The following FMN1 variants were observed in gnomAD, a reference collection of about 807,000 sequenced individuals.
The protein encoded by FMN1 is formin 1, also known as formin-1.
A neutral mutation model predicts 132.4 loss-of-function variants in FMN1; 110 were observed. The observed-to-expected ratio is 0.83, with a 90% CI of 0.71 to 0.97. FMN1 has a LOEUF of 0.97. Ranked by LOEUF, FMN1 falls within the 50% of genes least tolerant of loss-of-function variation. The probability of loss-of-function intolerance (pLI) is 0.00; values close to 1 mark genes in which losing one functional copy is unlikely to be tolerated. For missense variants in FMN1, 1,792 were observed against 1,705.3 expected (o/e 1.05, Z -0.90); for synonymous variants, 722 against 651.7 (o/e 1.11, Z -1.64).
chr15:33,155,973 G>A (rs908965984), intron 3 of FMN1, among the ~76,000 whole-genome samples: 1 of 152,212 alleles, frequency 6.6e-6, no homozygotes. Context: ...AACAAGCACC[G>A]CCCACACCCT....
chr15:33,060,037 G>C (rs1035590938), intron 6 of FMN1, among the ~76,000 whole-genome samples: 2 of 152,188 alleles, frequency 1.3e-5, no homozygotes, highest in Admixed American at 6.5e-5. Context: ...TAGTTTCCCA[G>C]TAAACCTTTT....
At chr15:32,867,020 G>A (rs1290890556) in intron 16 of FMN1, among the ~76,000 whole-genome samples, 1 of 152,102 alleles carries the variant, frequency 6.6e-6, no homozygotes, top group Non-Finnish European at 1.5e-5. Context: ...TGTCATCCAG[G>A]TAAACATTTC....
At chr15:33,193,512 T>C (rs1217715910) in intron 2 of FMN1, among the ~76,000 whole-genome samples, 1 of 152,144 alleles carries the variant, frequency 6.6e-6, no homozygotes, top group African/African-American at 2.4e-5. Context: ...GTAAACATGC[T>C]TTAGTACAGC....
chr15:32,808,265 T>C (rs999297961), intron 17 of FMN1, among the ~76,000 whole-genome samples: 2 of 152,210 alleles, frequency 1.3e-5, no homozygotes, highest in Non-Finnish European at 2.9e-5. Context: ...TCAGAACTCA[T>C]GATAACTAAC....
At chr15:33,067,332 C>G in intron 5 of FMN1, 1 of 1,613,964 alleles carries the variant, frequency 6.2e-7, no homozygotes, top group Non-Finnish European at 8.5e-7. Flanking sequence ...CTGAAACCTC[C>G]TGGGTTTTCT....
At chr15:32,781,809 A>T (rs1414379654) in intron 19 of FMN1, among the ~76,000 whole-genome samples, 1 of 152,214 alleles carries the variant, frequency 6.6e-6, no homozygotes, top group Non-Finnish European at 1.5e-5. Context: ...CACACCTAAT[A>T]ACATTGTTGC....
In FMN1 at chr15:32,774,085, T is replaced by C. The variant is rs543458849; in HGVS notation, c.*225A>G. 8.4e-4 allele frequency: 449 copies of C among 531,962 alleles called. No homozygotes were observed. Among genetic ancestry groups the C allele is most frequent in the Non-Finnish European group, 1.3e-3 (409 of 305,058 alleles). The allele number at this position is 531,962 out of a possible 1,614,324, so 33.0% of individuals were successfully genotyped here. ...TTCCACAAGAAACAGTCATCAAATATTTCTGCAATGTTCCCTTAAATAGTT... is the reference window on the plus strand; with the variant it reads ...TTCCACAAGAAACAGTCATCAAATACTTCTGCAATGTTCCCTTAAATAGTT... On this transcript the variant is annotated 3_prime_UTR_variant, in exon 21 of 21. Coordinates refer to ENST00000616417, the MANE Select transcript of FMN1 (RefSeq NM_001277313.2).
intron 18 of FMN1, among the ~76,000 whole-genome samples, chr15:32,802,134 C>A (rs1359716686): frequency 1.3e-5 from 2 of 152,204 alleles, no homozygotes; most frequent in Non-Finnish European, 2.9e-5. Flanking sequence ...AGATTGATTT[C>A]TAATCCTATG....
chr15:33,000,822 T>C (rs1449880721), intron 7 of FMN1, among the ~76,000 whole-genome samples: 1 of 152,188 alleles, frequency 6.6e-6, no homozygotes, highest in Non-Finnish European at 1.5e-5. Context: ...AACACAGCAA[T>C]AGATATTTCT....
At chr15:32,804,018 A>G (rs1193099342) in intron 18 of FMN1, among the ~76,000 whole-genome samples, 1 of 152,208 alleles carries the variant, frequency 6.6e-6, no homozygotes, top group African/African-American at 2.4e-5. Flanking sequence ...AGTCAGTCAC[A>G]CAAGGACAAA....
chr15:33,012,622 G>A, intron 6 of FMN1: 1 of 958,348 alleles, frequency 1.0e-6, no homozygotes, highest in Non-Finnish European at 1.7e-6. Flanking sequence ...ATACCACACT[G>A]CAAATGACCA....
intron 5 of FMN1, among the ~76,000 whole-genome samples, chr15:33,082,693 A>G (rs1296531637): frequency 6.6e-6 from 1 of 152,116 alleles, no homozygotes; most frequent in African/African-American, 2.4e-5. Context: ...AGTTCAGTGG[A>G]ACATAAAAAA....
chr15:32,998,249 AC>A (rs1345379056), intron 7 of FMN1, among the ~76,000 whole-genome samples: 1 of 152,214 alleles, frequency 6.6e-6, no homozygotes, highest in Non-Finnish European at 1.5e-5. Context: ...ATAGCCTTCT[AC>A]CTAAATACTG....
intron 5 of FMN1, among the ~76,000 whole-genome samples, chr15:33,072,110 G>A (rs961137484): frequency 2.0e-5 from 3 of 152,080 alleles, no homozygotes; most frequent in African/African-American, 7.2e-5. Context: ...TTATACTGAG[G>A]ATGACCATTC....
intron 4 of FMN1, among the ~76,000 whole-genome samples, chr15:33,109,573 G>A (rs561484003): frequency 2.0e-5 from 3 of 152,180 alleles, no homozygotes; most frequent in Admixed American, 1.3e-4. Context: ...ACTATCCTTA[G>A]CAAACTAAGG....
chr15:33,117,041 G>T (rs1215987370), intron 4 of FMN1, among the ~76,000 whole-genome samples: 4 of 152,128 alleles, frequency 2.6e-5, no homozygotes, highest in Non-Finnish European at 5.9e-5. Flanking sequence ...AGGAGCTATG[G>T]ACGATCCTGC....
At chr15:32,861,175 T>A (rs570492587) in intron 16 of FMN1, among the ~76,000 whole-genome samples, 1 of 152,338 alleles carries the variant, frequency 6.6e-6, no homozygotes, top group East Asian at 1.9e-4. Context: ...GAACGTAGTA[T>A]AAAACATGCC....
chr15:32,917,949 C>T (rs2060724885), intron 10 of FMN1, among the ~76,000 whole-genome samples: 1 of 152,094 alleles, frequency 6.6e-6, no homozygotes, highest in Admixed American at 6.6e-5. Context: ...ATTCATAGTT[C>T]CACCATTATT....
Position 33,088,922 on chromosome 15 carries a change from T to G in FMN1, c.1920A>C (p.Lys640Asn). ...PWDGFNEQTP[K>N]DLPNRDGGAW... Reference sequence around the variant, plus strand: ...CGCCTCCATCTCTGTTGGGAAGGTCTTTAGGTGTCTGCTCATTGAAGCCGT... The same window carrying G: ...CGCCTCCATCTCTGTTGGGAAGGTCGTTAGGTGTCTGCTCATTGAAGCCGT... Residue 640 changes from lysine to asparagine, a missense_variant, in exon 5 of 21, where the codon AAA (lysine) becomes AAC (asparagine). Physicochemically the swap from Lys to Asn is moderately conservative, Grantham distance 94 (BLOSUM62 0). Transcript: ENST00000616417. 6.5e-7 allele frequency: 1 copy of G among 1,535,964 alleles called. No homozygotes were observed. Among genetic ancestry groups the G allele is most frequent in the Non-Finnish European group, 8.7e-7 (1 of 1,146,828 alleles).
Sources: allele counts gnomAD v4.1 joint callset (sites outside exome capture counted in the v4.1 genomes callset), GRCh38; gene constraint gnomAD v4.1.1; transcripts MANE v1.5; gene names NCBI Gene and HGNC (gene_info 2026-07-23, HGNC 2026-07-21).